Variants in PDE3B observed in about 807,000 individuals in gnomAD.
PDE3B encodes cGMP-inhibited 3',5'-cyclic phosphodiesterase 3B.
PDE3B carries 66 observed loss-of-function variants against 116.8 expected under a neutral mutation model. That is an observed-to-expected ratio of 0.56 (90% CI 0.46 to 0.69). The LOEUF is 0.69. Among genes scored for constraint, PDE3B ranks in the 30% least tolerant of loss-of-function variants. The pLI is 0.00. For synonymous variants in PDE3B, 595 were observed against 533.6 expected, an observed-to-expected ratio of 1.12 and a Z score of -1.59; for missense variants, 1,384 against 1,368.1, an observed-to-expected ratio of 1.01 and a Z score of -0.18.
At chr11:14,706,949 A>T (rs980432985) in intron 1 of PDE3B, among the ~76,000 whole-genome samples, 1 of 151,882 alleles carries the variant, frequency 6.6e-6, no homozygotes, top group South Asian at 2.1e-4. Context: ...TCTAGCAAAT[A>T]TTGAGTACCT....
At chr11:14,718,503 T>C (rs919159980) in intron 1 of PDE3B, among the ~76,000 whole-genome samples, 44 of 148,686 alleles carry the variant, frequency 3.0e-4, no homozygotes, top group Admixed American at 1.6e-3. Context: ...TATTCCAAAA[T>C]TGACCACATA....
intron 7 of PDE3B, among the ~76,000 whole-genome samples, chr11:14,826,525 G>C (rs1458478377): frequency 6.6e-6 from 1 of 152,064 alleles, no homozygotes; most frequent in Non-Finnish European, 1.5e-5. Flanking sequence ...AGAAGAGATG[G>C]ATAAATTCCT....
At chr11:14,747,837 G>A (rs924345094) in intron 1 of PDE3B, among the ~76,000 whole-genome samples, 1 of 152,122 alleles carries the variant, frequency 6.6e-6, no homozygotes, top group Non-Finnish European at 1.5e-5. Flanking sequence ...ACATATTTAA[G>A]TAGCAGGTGT....
At chr11:14,864,566 A>T (rs149546602) in intron 14 of PDE3B, among the ~76,000 whole-genome samples, 1 of 152,352 alleles carries the variant, frequency 6.6e-6, no homozygotes, top group East Asian at 1.9e-4. Flanking sequence ...AACACTCCTC[A>T]GCAAATGTAA....
intron 1 of PDE3B, among the ~76,000 whole-genome samples, chr11:14,697,089 C>T (rs1366387546): frequency 6.6e-6 from 1 of 151,862 alleles, no homozygotes; most frequent in Non-Finnish European, 1.5e-5. Context: ...GTGCATGCCA[C>T]CATGTCCAGC....
chr11:14,816,515 T>C (rs1001886605), intron 5 of PDE3B, among the ~76,000 whole-genome samples: 13 of 152,236 alleles, frequency 8.5e-5, no homozygotes, highest in African/African-American at 3.1e-4. Context: ...GTTTCTGGAA[T>C]AAATAGACAG....
intron 1 of PDE3B, among the ~76,000 whole-genome samples, chr11:14,761,729 G>A (rs1857364878): frequency 6.6e-6 from 1 of 151,920 alleles, no homozygotes; most frequent in Admixed American, 6.6e-5. Context: ...TAGCATCTTT[G>A]TTTGCTTAAT....
Position 14,644,557 on chromosome 11 carries a change from G to C in PDE3B, c.482G>C (p.Cys161Ser). The part of the protein sequence containing the change: ...SWWLLALPAC[C>S]YLGDFLVWQW... ...TGGCTGCTGGCGCTGCCCGCCTGCTGTTACCTGGGGGACTTCTTGGTGTGG... is the reference window on the plus strand; with the variant it reads ...TGGCTGCTGGCGCTGCCCGCCTGCTCTTACCTGGGGGACTTCTTGGTGTGG... Residue 161 changes from cysteine (C) to serine (S), a missense_variant, in exon 1 of 16, where the codon TGT (cysteine) becomes TCT (serine). Coordinates refer to ENST00000282096, the MANE Select transcript of PDE3B (RefSeq NM_000922.4). 6.9e-6 allele frequency: 11 copies of C among 1,598,064 alleles called. No individual in the cohort carries two copies. The highest frequency in any genetic ancestry group is 8.5e-6 in the Non-Finnish European group (10 of 1,172,448).
the PDE3B span, among the ~76,000 whole-genome samples, chr11:14,896,380 T>C: frequency 2.0e-5 from 3 of 152,188 alleles, no homozygotes; most frequent in African/African-American, 4.8e-5. Flanking sequence ...GGGCACCTAC[T>C]AGATTAGATG....
At chr11:14,843,752 G>A (rs955914199) in intron 11 of PDE3B, 75 bp from the exon 12 acceptor site, 45 of 1,103,984 alleles carry the variant, frequency 4.1e-5, no homozygotes, top group Admixed American at 2.2e-4. Context: ...TTACCTATGA[G>A]AATCCCCTCC....
At chr11:14,847,360 T>G (rs1847632263) in intron 12 of PDE3B, among the ~76,000 whole-genome samples, 1 of 151,356 alleles carries the variant, frequency 6.6e-6, no homozygotes, top group African/African-American at 2.4e-5. Flanking sequence ...GGGAAATTTA[T>G]AGCACTAAAT....
intron 1 of PDE3B, among the ~76,000 whole-genome samples, chr11:14,692,536 A>G (rs555969258): frequency 2.0e-5 from 3 of 152,220 alleles, no homozygotes; most frequent in Admixed American, 6.5e-5. Context: ...TTCGTATCAC[A>G]TTTTGGTAAT....
chr11:14,756,662 A>G (rs1680981183), intron 1 of PDE3B, among the ~76,000 whole-genome samples: 1 of 152,216 alleles, frequency 6.6e-6, no homozygotes, highest in African/African-American at 2.4e-5. Context: ...ATCTGAAGGG[A>G]CAAATGGAGA....
intron 15 of PDE3B, among the ~76,000 whole-genome samples, chr11:14,868,731 CAT>C (rs1201903014): frequency 6.6e-6 from 1 of 152,184 alleles, no homozygotes; most frequent in Non-Finnish European, 1.5e-5. Context: ...GCAACACACA[CAT>C]GCCTTGTATT....
chr11:14,868,436 G>C (rs952514564), intron 15 of PDE3B, among the ~76,000 whole-genome samples: 2 of 152,124 alleles, frequency 1.3e-5, no homozygotes, highest in Non-Finnish European at 2.9e-5. Flanking sequence ...CAAAACAGTG[G>C]GGGGGAGGGG....
At chr11:14,878,283 G>C in the PDE3B span, 1 of 1,612,834 alleles carries the variant, frequency 6.2e-7, no homozygotes, top group South Asian at 1.1e-5. Context: ...TGTTCTCCAA[G>C]ACAATGTCTT....
the PDE3B span, chr11:14,887,222 C>T: frequency 1.3e-5 from 2 of 152,184 alleles, no homozygotes; most frequent in African/African-American, 4.8e-5. Flanking sequence ...AGTTGTGTCA[C>T]TATGAAGGCA....
chr11:14,654,540 G>T (rs1853653495), intron 1 of PDE3B, among the ~76,000 whole-genome samples: 1 of 152,052 alleles, frequency 6.6e-6, no homozygotes, highest in Non-Finnish European at 1.5e-5. Context: ...ACATACTCAG[G>T]CAGAAGAAAT....
chr11:14,898,220 C>T, the PDE3B span, among the ~76,000 whole-genome samples: 65 of 152,044 alleles, frequency 4.3e-4, no homozygotes, highest in African/African-American at 1.4e-3. Context: ...CTTTTGTCTA[C>T]GGAAACACAT....
Sources: gnomAD v4.1 joint callset for allele counts (sites outside exome capture counted in the v4.1 genomes callset) on GRCh38, gnomAD v4.1.1 for gene constraint, MANE v1.5 for transcripts, NCBI Gene and HGNC (gene_info 2026-07-23, HGNC 2026-07-21) for gene names.